The following L3MBTL4 variants were observed in gnomAD, a reference collection of about 807,000 sequenced individuals.
The protein encoded by L3MBTL4 is L3MBTL histone methyl-lysine binding protein 4.
A neutral mutation model predicts 84.5 loss-of-function variants in L3MBTL4; 70 were observed. The ratio of observed to expected loss-of-function variants is 0.83; its 90% CI spans 0.68 to 1.01. The LOEUF (loss-of-function observed/expected upper bound fraction) is 1.01. Ranked by LOEUF, L3MBTL4 falls within the 50% of genes least tolerant of loss-of-function variation. The pLI is 0.00. For missense variants in L3MBTL4, 715 were observed against 754.8 expected (o/e 0.95, Z 0.62); for synonymous variants, 274 against 259.8 (o/e 1.05, Z -0.52).
intron 10 of L3MBTL4, among the ~76,000 whole-genome samples, chr18:6,224,456 A>G (rs2046692047): frequency 1.3e-5 from 2 of 152,204 alleles, no homozygotes; most frequent in South Asian, 4.1e-4. Flanking sequence ...CTTGCCCAAC[A>G]CAACGGGGGA....
At position 6,151,708 on chromosome 18, in the gene L3MBTL4, T is replaced by C. The variant is rs144498423; in HGVS notation, c.1097-13412A>G. On this transcript the variant is annotated intron_variant, in intron 13 of 18. Coordinates refer to ENST00000317931, the MANE Select transcript of L3MBTL4 (RefSeq NM_001330559.2). Reference sequence around the variant, plus strand: ...CCGTGCCCAGACTAATTTTAAAATATGTAATTGACAAAGATAATATATATT... The same window carrying C: ...CCGTGCCCAGACTAATTTTAAAATACGTAATTGACAAAGATAATATATATT... 3.3e-3 allele frequency among the ~76,000 whole-genome samples: 495 copies of C among 152,294 alleles called. 2 individuals are homozygous for C. The highest frequency in any genetic ancestry group is 0.011 in the African/African-American group (461 of 41,566).
At chr18:6,400,436 G>T (rs2055462803) in intron 1 of L3MBTL4, among the ~76,000 whole-genome samples, 1 of 152,120 alleles carries the variant, frequency 6.6e-6, no homozygotes, top group Non-Finnish European at 1.5e-5. Flanking sequence ...TAGAGACAAG[G>T]TCTTACCTTG....
At chr18:6,206,021 T>C (rs1003001265) in intron 12 of L3MBTL4, among the ~76,000 whole-genome samples, 3 of 152,208 alleles carry the variant, frequency 2.0e-5, no homozygotes, top group Non-Finnish European at 4.4e-5. Flanking sequence ...ACATTCTGAC[T>C]GAAGGTCTGG....
At chr18:6,234,422 CA>C (rs1444489252) in intron 10 of L3MBTL4, among the ~76,000 whole-genome samples, 2 of 152,124 alleles carry the variant, frequency 1.3e-5, no homozygotes, top group Non-Finnish European at 2.9e-5. Context: ...ACTCATCTGA[CA>C]AAGGGCTAAT....
At chr18:6,148,765 TAA>T (rs1370957673) in intron 13 of L3MBTL4, among the ~76,000 whole-genome samples, 1 of 152,120 alleles carries the variant, frequency 6.6e-6, no homozygotes, top group Non-Finnish European at 1.5e-5. Flanking sequence ...GAAAAAATGT[TAA>T]GAGTTATTGG....
At chr18:6,037,912 G>A (rs2056211799) in intron 16 of L3MBTL4, among the ~76,000 whole-genome samples, 1 of 152,164 alleles carries the variant, frequency 6.6e-6, no homozygotes, top group African/African-American at 2.4e-5. Flanking sequence ...GGAAATAAAA[G>A]GAGGAGTAGG....
At chr18:6,137,114 C>T (rs115961446) in intron 14 of L3MBTL4, among the ~76,000 whole-genome samples, 2,575 of 152,304 alleles carry the variant, frequency 0.017, 76 homozygotes, top group African/African-American at 0.058. Flanking sequence ...TCTGAGGAGG[C>T]AAGAATTGAG....
chr18:6,363,881 A>G (rs1312336354), intron 1 of L3MBTL4, among the ~76,000 whole-genome samples: 2 of 151,842 alleles, frequency 1.3e-5, no homozygotes, highest in African/African-American at 4.8e-5. Context: ...AGCAAGCCTT[A>G]CTCCAAGTTC....
chr18:6,231,193 T>C (rs2046986235), intron 10 of L3MBTL4, among the ~76,000 whole-genome samples: 1 of 152,052 alleles, frequency 6.6e-6, no homozygotes, highest in African/African-American at 2.4e-5. Flanking sequence ...TTATCTTCCA[T>C]AGTTTTTATA....
intron 17 of L3MBTL4, among the ~76,000 whole-genome samples, chr18:5,966,400 C>A (rs2052355213): frequency 1.3e-5 from 2 of 152,220 alleles, no homozygotes. Flanking sequence ...AGCTCTGACA[C>A]CTGTCCTGCT....
At chr18:6,235,447 G>C (rs983718359) in intron 10 of L3MBTL4, among the ~76,000 whole-genome samples, 2 of 151,996 alleles carry the variant, frequency 1.3e-5, no homozygotes, top group African/African-American at 4.8e-5. Flanking sequence ...TCCACAAATC[G>C]ATGGGTAAAC....
At chr18:6,008,169 G>A (rs1338894644) in intron 16 of L3MBTL4, among the ~76,000 whole-genome samples, 1 of 152,112 alleles carries the variant, frequency 6.6e-6, no homozygotes, top group East Asian at 1.9e-4. Flanking sequence ...TGGCCACGGG[G>A]ATCTATCCTT....
At chr18:6,375,045 C>T (rs1005817285) in intron 1 of L3MBTL4, among the ~76,000 whole-genome samples, 3 of 152,158 alleles carry the variant, frequency 2.0e-5, no homozygotes, top group Non-Finnish European at 2.9e-5. Flanking sequence ...TTGGGAAACT[C>T]GGGCTGCTCT....
At chr18:6,118,520 T>C (rs2059427412) in intron 14 of L3MBTL4, among the ~76,000 whole-genome samples, 1 of 152,188 alleles carries the variant, frequency 6.6e-6, no homozygotes, top group African/African-American at 2.4e-5. Context: ...TGCTGGATGC[T>C]TAAGGGCATT....
chr18:6,040,638 ACATCTC>A (rs1190218829), intron 16 of L3MBTL4, among the ~76,000 whole-genome samples: 1 of 152,244 alleles, frequency 6.6e-6, no homozygotes, highest in Non-Finnish European at 1.5e-5. Flanking sequence ...CTTTTTACTC[ACATCTC>A]TTTTGAGACA....
intron 16 of L3MBTL4, among the ~76,000 whole-genome samples, chr18:6,053,997 C>G (rs547177866): frequency 6.6e-6 from 1 of 152,300 alleles, no homozygotes; most frequent in South Asian, 2.1e-4. Context: ...CAGGTGCTAG[C>G]AAACACAACA....
intron 12 of L3MBTL4, among the ~76,000 whole-genome samples, chr18:6,190,561 T>C (rs2045026589): frequency 6.6e-6 from 1 of 152,256 alleles, no homozygotes; most frequent in African/African-American, 2.4e-5. Context: ...TGTATTCATT[T>C]AAGCCACAAA....
chr18:6,370,133 C>CAAAAAA (rs35835409), intron 1 of L3MBTL4, among the ~76,000 whole-genome samples: 1 of 88,264 alleles, frequency 1.1e-5, no homozygotes, highest in Admixed American at 1.2e-4. Flanking sequence ...GACTCGGTCT[C>CAAAAAA]AAAAAAAAAA....
At chr18:6,314,686 C>T (rs2051005335) in intron 1 of L3MBTL4, among the ~76,000 whole-genome samples, 1 of 152,080 alleles carries the variant, frequency 6.6e-6, no homozygotes, top group Non-Finnish European at 1.5e-5. Flanking sequence ...TTGCCAAATA[C>T]TAAGGAGATA....
Sources: gnomAD v4.1 joint callset for allele counts (sites outside exome capture counted in the v4.1 genomes callset) on GRCh38, gnomAD v4.1.1 for gene constraint, MANE v1.5 for transcripts, NCBI Gene and HGNC (gene_info 2026-07-23, HGNC 2026-07-21) for gene names.